ERBB4: variants seen among roughly 807,000 people sequenced by gnomAD.
The protein encoded by ERBB4 is receptor tyrosine-protein kinase erbB-4.
A neutral mutation model predicts 158.0 loss-of-function variants in ERBB4; 42 were observed. The ratio of observed to expected loss-of-function variants is 0.27; its 90% confidence interval spans 0.21 to 0.34. The LOEUF is 0.34. Among genes scored for constraint, ERBB4 ranks in the 10% least tolerant of loss-of-function variants. The pLI is 1.00. For synonymous variants in ERBB4, 583 were observed against 558.7 expected, an observed-to-expected ratio of 1.04 and a Z score of -0.61; for missense variants, 1,333 against 1,624.1, an observed-to-expected ratio of 0.82 and a Z score of 3.08.
At chr2:212,309,366 G>A (rs2086935407) in intron 1 of ERBB4, among the ~76,000 whole-genome samples, 1 of 150,690 alleles carries the variant, frequency 6.6e-6, no homozygotes, top group Non-Finnish European at 1.5e-5. Flanking sequence ...AATATTCATT[G>A]AATACTTATT....
At chr2:211,983,947 T>C (rs2081871381) in intron 2 of ERBB4, among the ~76,000 whole-genome samples, 1 of 152,190 alleles carries the variant, frequency 6.6e-6, no homozygotes, top group Non-Finnish European at 1.5e-5. Context: ...TTATAGTAAA[T>C]GTCATGGTTC....
chr2:211,695,804 A>G (rs1025049328), intron 12 of ERBB4, among the ~76,000 whole-genome samples: 3 of 152,312 alleles, frequency 2.0e-5, no homozygotes, highest in African/African-American at 7.2e-5. Flanking sequence ...TTTTTCATAA[A>G]GTAAAATTAA....
intron 1 of ERBB4, among the ~76,000 whole-genome samples, chr2:212,474,680 A>T (rs544913444): frequency 1.8e-4 from 27 of 152,106 alleles, no homozygotes; most frequent in Non-Finnish European, 3.7e-4. Context: ...TTCCACATCC[A>T]CAAGACTCTC....
chr2:211,619,103 T>G (rs1574866825), intron 19 of ERBB4, 74 bp downstream of exon 19: 5 of 889,764 alleles, frequency 5.6e-6, no homozygotes, highest in East Asian at 2.4e-5. Flanking sequence ...AGTTTGGTTT[T>G]GTTTTGCTTT....
At chr2:212,426,416 G>A (rs540789684) in intron 1 of ERBB4, 5 of 431,396 alleles carry the variant, frequency 1.2e-5, no homozygotes, top group East Asian at 8.9e-5. Context: ...TCTTCTAAAT[G>A]TATATTTTCA....
chr2:212,461,274 G>T (rs62186292), intron 1 of ERBB4, among the ~76,000 whole-genome samples: 24,054 of 152,174 alleles, frequency 0.16, 2,412 homozygotes, highest in Non-Finnish European at 0.22. Flanking sequence ...AAGCCAGCCT[G>T]TGAAAGCAGC....
intron 2 of ERBB4, among the ~76,000 whole-genome samples, chr2:212,116,172 A>G (rs969005000): frequency 1.3e-5 from 2 of 151,640 alleles, no homozygotes; most frequent in Non-Finnish European, 2.9e-5. Flanking sequence ...TTACATTTAT[A>G]TATGCATAGA....
intron 1 of ERBB4, among the ~76,000 whole-genome samples, chr2:212,381,056 A>AGTCATAG (rs1357514351): frequency 3.3e-5 from 5 of 151,518 alleles, no homozygotes; most frequent in Admixed American, 1.3e-4. Flanking sequence ...CACCGAAAAA[A>AGTCATAG]GTCATAGTTA....
In ERBB4 at chr2:211,383,582, T is replaced by G. The variant is rs1191521101; in HGVS notation, c.*33A>C. ...AGGGGGGTGGGGAAATTGGAGCAGG[T>G]GTGTCTCTCCACCTAAAAAACCACA... On this transcript the variant is annotated 3_prime_UTR_variant, in exon 28 of 28. Transcript: ENST00000342788. 3 of 1,569,928 alleles carry G rather than the reference T, an allele frequency of 1.9e-6. No homozygotes were observed. Among genetic ancestry groups the G allele is most frequent in the African/African-American group, 1.4e-5 (1 of 73,758 alleles).
intron 19 of ERBB4, among the ~76,000 whole-genome samples, chr2:211,579,145 T>C (rs1254407265): frequency 2.6e-5 from 4 of 152,184 alleles, no homozygotes; most frequent in African/African-American, 7.2e-5. Context: ...GCAAAGGACA[T>C]GAACAGACAC....
chr2:212,417,295 A>C (rs1343459944), intron 1 of ERBB4, among the ~76,000 whole-genome samples: 2 of 152,104 alleles, frequency 1.3e-5, no homozygotes, highest in Admixed American at 6.6e-5. Context: ...AAACAAGTCA[A>C]GATTGTCCAC....
intron 20 of ERBB4, among the ~76,000 whole-genome samples, chr2:211,433,763 C>T (rs2063793377): frequency 6.6e-6 from 1 of 152,114 alleles, no homozygotes; most frequent in African/African-American, 2.4e-5. Flanking sequence ...CCATGGACTA[C>T]ATCCATTTTT....
intron 12 of ERBB4, among the ~76,000 whole-genome samples, chr2:211,691,229 G>T (rs1188060764): frequency 6.6e-6 from 1 of 152,040 alleles, no homozygotes; most frequent in South Asian, 2.1e-4. Context: ...GTAGCCTTGG[G>T]CAATTACTTA....
At chr2:211,556,155 A>G (rs2067232010) in intron 20 of ERBB4, among the ~76,000 whole-genome samples, 1 of 152,272 alleles carries the variant, frequency 6.6e-6, no homozygotes, top group African/African-American at 2.4e-5. Flanking sequence ...CAGAAAAAAT[A>G]GACTATAAAC....
At chr2:211,882,585 CA>C (rs1470522754) in intron 3 of ERBB4, among the ~76,000 whole-genome samples, 1 of 152,130 alleles carries the variant, frequency 6.6e-6, no homozygotes, top group African/African-American at 2.4e-5. Context: ...ACGAGAGGCA[CA>C]GCAATGTTCT....
chr2:211,422,215 A>T, intron 23 of ERBB4, 111 bp from the exon 24 acceptor site: 4 of 683,450 alleles, frequency 5.9e-6, no homozygotes, highest in South Asian at 1.5e-5. Context: ...TTTAATCGTA[A>T]TGATCTGAGA....
intron 1 of ERBB4, among the ~76,000 whole-genome samples, chr2:212,377,224 T>C (rs1375923851): frequency 6.8e-6 from 1 of 147,854 alleles, no homozygotes. Context: ...TGAATATATA[T>C]AAAATAAAAT....
intron 1 of ERBB4, among the ~76,000 whole-genome samples, chr2:212,399,534 T>TATTTTA (rs1339380275): frequency 1.6e-5 from 2 of 123,160 alleles, no homozygotes; most frequent in African/African-American, 6.1e-5. Context: ...CTGATATATA[T>TATTTTA]TTTATATATA....
intron 1 of ERBB4, among the ~76,000 whole-genome samples, chr2:212,198,506 T>C (rs1039399854): frequency 6.6e-6 from 1 of 152,182 alleles, no homozygotes; most frequent in Non-Finnish European, 1.5e-5. Context: ...ATGTCTTAAA[T>C]GGTCAATCGT....
Sources: gnomAD v4.1 joint callset for allele counts (sites outside exome capture counted in the v4.1 genomes callset) on GRCh38, gnomAD v4.1.1 for gene constraint, MANE v1.5 for transcripts, NCBI Gene and HGNC (gene_info 2026-07-23, HGNC 2026-07-21) for gene names.